PCDHA8: variants seen among roughly 807,000 people sequenced by gnomAD.
PCDHA8 encodes the protein protocadherin alpha-8.
PCDHA8 carries 53 observed loss-of-function variants against 61.8 expected under a neutral mutation model. That is an observed-to-expected ratio of 0.86 (90% CI 0.69 to 1.08). The LOEUF (loss-of-function observed/expected upper bound fraction) is 1.08. PCDHA8 is among the 50% of genes least tolerant of loss of function. The pLI, the probability that PCDHA8 is intolerant of heterozygous loss-of-function variation, is 0.00. For missense variants in PCDHA8, 1,293 were observed against 1,245.0 expected (o/e 1.04, Z -0.58); for synonymous variants, 618 against 556.6 (o/e 1.11, Z -1.55).
At chr5:140,850,283 A>G (rs143335350) in intron 1 of PCDHA8, 3 of 1,595,592 alleles carry the variant, frequency 1.9e-6, no homozygotes, top group Non-Finnish European at 2.6e-6. Context: ...AGGTGCGCGC[A>G]GTGGACGCCG....
chr5:140,873,634 G>C (rs1040264226), intron 1 of PCDHA8, among the ~76,000 whole-genome samples: 1 of 152,158 alleles, frequency 6.6e-6, no homozygotes, highest in Non-Finnish European at 1.5e-5. Flanking sequence ...AGGTCAAAGA[G>C]TATGTGAGAA....
Position 140,843,314 on chromosome 5 carries a change from G to A in PCDHA8, c.1993G>A (p.Val665Ile), listed in dbSNP as rs2150357213. The A allele has an allele frequency of 6.3e-7, 1 of 1,596,084 alleles. No homozygotes were observed. Among genetic ancestry groups the A allele is most frequent in the South Asian group, 1.1e-5 (1 of 90,516 alleles). ...GEPALTATAT[V>I]LVSLVESGQA... Reference sequence around the variant, plus strand: ...ACCTGCGCTGACCGCCACGGCCACGGTTCTGGTGTCGCTGGTGGAGAGCGG... The same window carrying A: ...ACCTGCGCTGACCGCCACGGCCACGATTCTGGTGTCGCTGGTGGAGAGCGG... The change falls in exon 1 of 4, where the codon GTT (valine) becomes ATT (isoleucine). Residue 665 changes from valine to isoleucine, a missense_variant. Transcript: ENST00000531613.
chr5:140,895,670 G>A (rs551602030), intron 1 of PCDHA8, among the ~76,000 whole-genome samples: 2 of 152,132 alleles, frequency 1.3e-5, no homozygotes, highest in African/African-American at 2.4e-5. Context: ...AGAACATGTA[G>A]TATTTGGTTT....
intron 1 of PCDHA8, chr5:140,847,877 C>T (rs1305831915): frequency 6.7e-6 from 1 of 149,752 alleles, no homozygotes; most frequent in African/African-American, 2.4e-5. Flanking sequence ...CCAGACATGA[C>T]TAAGTTTCTT....
intron 1 of PCDHA8, chr5:140,884,142 G>A (rs782033390): frequency 5.6e-6 from 9 of 1,613,298 alleles, no homozygotes; most frequent in African/African-American, 1.3e-5. Flanking sequence ...TTCCGCGTGG[G>A]GCTGTACACT....
chr5:140,927,734 G>A, intron 1 of PCDHA8: 1 of 1,614,196 alleles, frequency 6.2e-7, no homozygotes, highest in Non-Finnish European at 8.5e-7. Context: ...GCAGAGCTGC[G>A]ACACCGCTTT....
chr5:140,850,962 G>A lies in PCDHA8; in HGVS notation c.2394+7247G>A, dbSNP rs2150504046. On this transcript the variant is annotated intron_variant, in intron 1 of 3. Coordinates refer to ENST00000531613, the MANE Select transcript of PCDHA8 (RefSeq NM_018911.3). Reference sequence around the variant, plus strand: ...AAGATATTATCGATTACTCCCAGGGGCCGTTCAAATAGTTTTATTCATTTT... The same window carrying A: ...AAGATATTATCGATTACTCCCAGGGACCGTTCAAATAGTTTTATTCATTTT... 3.4e-6 allele frequency: 5 copies of A among 1,475,076 alleles called. No homozygotes were observed. In the African/African-American group the frequency reaches 7.1e-5, roughly 21 times the overall value. The allele number at this position is 1,475,076 out of a possible 1,614,324, so 91.4% of individuals were successfully genotyped here. A position where few individuals can be genotyped will look rare whatever the true frequency, so the allele number is the denominator to read the frequency against.
intron 1 of PCDHA8, among the ~76,000 whole-genome samples, chr5:140,901,437 C>G (rs1554189835): frequency 1.3e-5 from 2 of 152,132 alleles, no homozygotes; most frequent in Non-Finnish European, 2.9e-5. Flanking sequence ...ATATGGATAT[C>G]TAGTTTCCCA....
rs538891766 is a variant in PCDHA8 at position 140,931,784 on chromosome 5, A to G, written c.2395-47165A>G. The stretch of plus-strand genomic sequence containing the variant: ...TTTACTTCTTCCTGTTCAATTACCT[A>G]TTGATCTGATCTTAATTCTTTAGAA... On this transcript the variant is annotated intron_variant, in intron 1 of 3. Transcript: ENST00000531613. Among the ~76,000 whole-genome samples, 13 of 152,080 alleles carry G rather than the reference A, an allele frequency of 8.5e-5. No homozygotes were observed. In the East Asian group the frequency reaches 1.9e-3, roughly 23 times the overall value.
At chr5:140,910,154 G>A (rs575042155) in intron 1 of PCDHA8, among the ~76,000 whole-genome samples, 234 of 152,310 alleles carry the variant, frequency 1.5e-3, no homozygotes, top group African/African-American at 4.9e-3. Flanking sequence ...ATTGATTGAG[G>A]GGAAATTGAT....
At chr5:140,984,281 C>G (rs574169465) in intron 3 of PCDHA8, among the ~76,000 whole-genome samples, 32 of 152,336 alleles carry the variant, frequency 2.1e-4, no homozygotes, top group African/African-American at 7.5e-4. Context: ...AATACATTCT[C>G]CCTCCCATTG....
intron 1 of PCDHA8, among the ~76,000 whole-genome samples, chr5:140,964,886 T>C (rs529789945): frequency 6.6e-6 from 1 of 152,306 alleles, no homozygotes; most frequent in South Asian, 2.1e-4. Context: ...GCAGCAGTGA[T>C]AGGAGGCTGG....
chr5:140,879,926 A>G (rs1214178444), intron 1 of PCDHA8, among the ~76,000 whole-genome samples: 7 of 152,170 alleles, frequency 4.6e-5, no homozygotes, highest in African/African-American at 1.4e-4. Flanking sequence ...TTACAAAGGT[A>G]CATGTGATTG....
chr5:140,997,686 G>T (rs1005092816), intron 3 of PCDHA8, among the ~76,000 whole-genome samples: 1 of 151,980 alleles, frequency 6.6e-6, no homozygotes, highest in Non-Finnish European at 1.5e-5. Flanking sequence ...GTGTGTGTGT[G>T]TGTGTGTGTG....
chr5:140,903,498 T>C (rs1205249543), intron 1 of PCDHA8, among the ~76,000 whole-genome samples: 2 of 152,320 alleles, frequency 1.3e-5, no homozygotes, highest in East Asian at 1.9e-4. Context: ...GCAGGTACCA[T>C]AGATAATAGT....
intron 1 of PCDHA8, among the ~76,000 whole-genome samples, chr5:140,940,147 GT>G (rs1459512201): frequency 6.6e-6 from 1 of 152,082 alleles, no homozygotes; most frequent in African/African-American, 2.4e-5. Flanking sequence ...AACTATTATA[GT>G]TTTTGTTTGC....
chr5:140,960,606 T>C (rs565459983), intron 1 of PCDHA8, among the ~76,000 whole-genome samples: 2 of 152,176 alleles, frequency 1.3e-5, no homozygotes, highest in African/African-American at 4.8e-5. Context: ...ACTTCAACAA[T>C]ATCTAGTGTG....
intron 1 of PCDHA8, among the ~76,000 whole-genome samples, chr5:140,872,228 T>C (rs2053555588): frequency 6.6e-6 from 1 of 152,222 alleles, no homozygotes. Context: ...CAATCTTTAC[T>C]TTTGTCTTTA....
intron 1 of PCDHA8, chr5:140,876,222 G>T (rs923525457): frequency 6.2e-7 from 1 of 1,613,972 alleles, no homozygotes; most frequent in Non-Finnish European, 8.5e-7. Flanking sequence ...ATAAAGTAGT[G>T]TTGTCTGAAA....
Sources: gnomAD v4.1 joint callset for allele counts (sites outside exome capture counted in the v4.1 genomes callset) on GRCh38, gnomAD v4.1.1 for gene constraint, MANE v1.5 for transcripts, NCBI Gene and HGNC (gene_info 2026-07-23, HGNC 2026-07-21) for gene names.